Variants in DERA observed in about 807,000 individuals in gnomAD.
DERA encodes 2-deoxy-D-ribose 5-phosphate aldolase.
In DERA, 15 loss-of-function variants were observed where a neutral mutation model predicts 41.1. The observed-to-expected ratio is 0.37, with a 90% CI of 0.24 to 0.56. DERA has a LOEUF of 0.56. Ranked by LOEUF, DERA falls within the 20% of genes least tolerant of loss-of-function variation. The probability of loss-of-function intolerance (pLI) is 0.81; values close to 1 mark genes in which losing one functional copy is unlikely to be tolerated. For synonymous variants in DERA, 139 were observed against 137.4 expected, an observed-to-expected ratio of 1.01 and a Z score of -0.08; for missense variants, 396 against 403.4, an observed-to-expected ratio of 0.98 and a Z score of 0.16.
intron 1 of DERA, among the ~76,000 whole-genome samples, chr12:15,933,910 G>A (rs866684905): frequency 6.6e-6 from 1 of 152,094 alleles, no homozygotes; most frequent in African/African-American, 2.4e-5. Flanking sequence ...CTGCTGCTCA[G>A]ATCAATTAAA....
At position 15,954,140 on chromosome 12, in the gene DERA, C is replaced by G. The variant is rs1052573941; in HGVS notation, c.32-2796C>G. Among the ~76,000 whole-genome samples the G allele has an allele frequency of 6.6e-6, 1 of 152,140 alleles. No homozygotes were observed. The highest frequency in any genetic ancestry group is 2.4e-5 in the African/African-American group (1 of 41,434). On this transcript the variant is annotated intron_variant, in intron 1 of 8. Coordinates refer to ENST00000428559, the MANE Select transcript of DERA (RefSeq NM_015954.4). The surrounding 1 kb of genome is among the most constrained non-coding windows in gnomAD (Gnocchi z 4.0). ...AATTGGTTTTTAAGGGGAAAGTTCC[C>G]AGGCATCCCATTCATACCTCAGTCC...
At chr12:15,932,403 A>T (rs190270738) in intron 1 of DERA, among the ~76,000 whole-genome samples, 1 of 152,276 alleles carries the variant, frequency 6.6e-6, no homozygotes, top group African/African-American at 2.4e-5. Flanking sequence ...GTCTCCCAGC[A>T]CTTTGGGAGG....
chr12:15,997,557 A>G (rs1948847001), intron 6 of DERA, among the ~76,000 whole-genome samples: 1 of 152,228 alleles, frequency 6.6e-6, no homozygotes, highest in African/African-American at 2.4e-5. Context: ...CTTATTCTGC[A>G]GTCATGACTT....
Position 15,998,406 on chromosome 12 carries a change from C to T in DERA, c.637+15970C>T, listed in dbSNP as rs1464194402. 1.1e-4 allele frequency among the ~76,000 whole-genome samples: 17 copies of T among 152,124 alleles called. No individual in the cohort carries two copies. Among genetic ancestry groups the T allele is most frequent in the Admixed American group, 1.1e-3 (17 of 15,280 alleles). ...GATCTTGGCTCACGGCAACCTCCGC[C>T]TTCCGGGTTCAAGCAGTTCTCCCGC... On this transcript the variant is annotated intron_variant, in intron 6 of 8. Coordinates refer to ENST00000428559, the MANE Select transcript of DERA (RefSeq NM_015954.4). This position sits in a 1 kb window ranked among gnomAD's most constrained non-coding sequence, Gnocchi z 4.8.
Position 15,936,912 on chromosome 12 carries a change from T to TCCC in DERA, c.32-20024_32-20023insCCC, listed in dbSNP as rs1565588685. On this transcript the variant is annotated intron_variant, in intron 1 of 8. Transcript: ENST00000428559. This position sits in a 1 kb window ranked among gnomAD's most constrained non-coding sequence, Gnocchi z 4.6. ...TGTCCTGTCCTGTCCTGTCCTGTCC[T>TCCC]GTCCTGTCCTGTCCTGTCCTGTCTT... Among the ~76,000 whole-genome samples, 123 of 140,912 alleles carry TCCC rather than the reference T, an allele frequency of 8.7e-4. No individual in the cohort carries two copies. Among genetic ancestry groups the TCCC allele is most frequent in the African/African-American group, 3.2e-3 (113 of 35,612 alleles). 92.4% of individuals were successfully genotyped at this position (140,912 alleles called of 152,430 possible).
intron 1 of DERA, among the ~76,000 whole-genome samples, chr12:15,916,848 G>A (rs1186387103): frequency 6.6e-6 from 1 of 152,190 alleles, no homozygotes; most frequent in Non-Finnish European, 1.5e-5. Context: ...CTGGGCTCAA[G>A]CAGTTCTCCC....
rs1948856294 is a variant in DERA at position 15,998,794 on chromosome 12, A to C, written c.637+16358A>C. Among the ~76,000 whole-genome samples the C allele has an allele frequency of 6.6e-6, 1 of 152,162 alleles. No individual in the cohort carries two copies. The highest frequency in any genetic ancestry group is 2.4e-5 in the African/African-American group (1 of 41,428). On this transcript the variant is annotated intron_variant, in intron 6 of 8. Coordinates refer to ENST00000428559, the MANE Select transcript of DERA (RefSeq NM_015954.4). The surrounding 1 kb of genome is among the most constrained non-coding windows in gnomAD (Gnocchi z 4.8). The stretch of plus-strand genomic sequence containing the variant: ...ACCGCTGAACTTACATCCCCAAAGA[A>C]ACAAGATTGTACATTGTTGTTTGGT...
rs1387933039 is a variant in DERA, at chr12:15,988,072, A to C, written c.637+5636A>C. Among the ~76,000 whole-genome samples, 1 of 152,158 alleles carries C rather than the reference A, an allele frequency of 6.6e-6. No individual in the cohort carries two copies. The highest frequency in any genetic ancestry group is 2.4e-5 in the African/African-American group (1 of 41,442). On this transcript the variant is annotated intron_variant, in intron 6 of 8. Coordinates refer to ENST00000428559, the MANE Select transcript of DERA (RefSeq NM_015954.4). The surrounding 1 kb of genome is among the most constrained non-coding windows in gnomAD (Gnocchi z 6.0). Reference sequence around the variant, plus strand: ...GCACCAGCATCTGGACAAGGGGAACACATGGTGCCCAAAAACTTGGAGACA... The same window carrying C: ...GCACCAGCATCTGGACAAGGGGAACCCATGGTGCCCAAAAACTTGGAGACA...
At chr12:15,975,117 A>G (rs757503007) in intron 5 of DERA, among the ~76,000 whole-genome samples, 5 of 152,226 alleles carry the variant, frequency 3.3e-5, no homozygotes, top group Non-Finnish European at 5.9e-5. Flanking sequence ...CAGTAGAGAA[A>G]GAGTAATTCA....
rs144029456 is a variant in DERA, at chr12:15,932,507, G to A, written c.31+21093G>A. On this transcript the variant is annotated intron_variant, in intron 1 of 8. Coordinates refer to ENST00000428559, the MANE Select transcript of DERA (RefSeq NM_015954.4). ...TCCATAAAAAATACAAAAATTAGCT[G>A]GGTGTGGTGGTGCATGCCTGTAGTC... is the stretch of plus-strand genomic sequence containing the variant. Among the ~76,000 whole-genome samples the A allele has an allele frequency of 1.0e-3, 153 of 152,098 alleles. 2 individuals are homozygous for A. In the East Asian group the frequency reaches 0.027, roughly 27 times the overall value.
rs1362286293 is a variant in DERA at position 15,984,951 on chromosome 12, T to C, written c.637+2515T>C. ...TTTCTGACTAAATTCTGTATTCTAC[T>C]TCTGTGGTGGTATAAAAAATTTTTT... On this transcript the variant is annotated intron_variant, in intron 6 of 8. Coordinates refer to ENST00000428559, the MANE Select transcript of DERA (RefSeq NM_015954.4). This position sits in a 1 kb window ranked among gnomAD's most constrained non-coding sequence, Gnocchi z 4.5. Among the ~76,000 whole-genome samples, 4 of 152,244 alleles carry C rather than the reference T, an allele frequency of 2.6e-5. No individual in the cohort carries two copies. The highest frequency in any genetic ancestry group is 9.6e-5 in the African/African-American group (4 of 41,460).
intron 6 of DERA, among the ~76,000 whole-genome samples, chr12:16,023,145 T>C (rs1949027364): frequency 6.6e-6 from 1 of 152,178 alleles, no homozygotes; most frequent in Admixed American, 6.5e-5. Context: ...ACTAAGGCTA[T>C]AGAATACTCC....
At chr12:15,958,631 A>G (rs1189707829) in intron 3 of DERA, among the ~76,000 whole-genome samples, 2 of 151,632 alleles carry the variant, frequency 1.3e-5, no homozygotes, top group Admixed American at 1.3e-4. Flanking sequence ...GTTTAGTGAC[A>G]CTGAAATACT....
Position 15,996,604 on chromosome 12 carries a change from T to C in DERA, c.637+14168T>C, listed in dbSNP as rs974207571. Among the ~76,000 whole-genome samples the C allele has an allele frequency of 6.6e-6, 1 of 152,180 alleles. No individual in the cohort carries two copies. The highest frequency in any genetic ancestry group is 6.5e-5 in the Admixed American group (1 of 15,282). On this transcript the variant is annotated intron_variant, in intron 6 of 8. Coordinates refer to ENST00000428559, the MANE Select transcript of DERA (RefSeq NM_015954.4). The surrounding 1 kb of genome is among the most constrained non-coding windows in gnomAD (Gnocchi z 4.7). The stretch of plus-strand genomic sequence containing the variant: ...CTCAGTATGACCTTATCTTAACTAA[T>C]GACATCTTCAGTGGCCCTCTTTCCA...
At chr12:15,991,789 A>G (rs988922216) in intron 6 of DERA, among the ~76,000 whole-genome samples, 2 of 152,130 alleles carry the variant, frequency 1.3e-5, no homozygotes, top group African/African-American at 2.4e-5. Flanking sequence ...AATATTAGTC[A>G]GAAAGATCTT....
At chr12:16,022,199 G>A (rs953548400) in intron 6 of DERA, among the ~76,000 whole-genome samples, 18 of 152,190 alleles carry the variant, frequency 1.2e-4, no homozygotes, top group African/African-American at 3.6e-4. Flanking sequence ...TGATGAATGA[G>A]TTCTCACAAG....
Position 15,976,101 on chromosome 12 carries a change from C to A in DERA, c.509-6207C>A, listed in dbSNP as rs1948695065. 6.6e-6 allele frequency among the ~76,000 whole-genome samples: 1 copy of A among 152,184 alleles called. No homozygotes were observed. Among genetic ancestry groups the A allele is most frequent in the Non-Finnish European group, 1.5e-5 (1 of 68,034 alleles). ...GTCTATAAATCTGTCTTAGAACTTA[C>A]AACTTCACACTATAACCTCTATTAC... On this transcript the variant is annotated intron_variant, in intron 5 of 8. Coordinates refer to ENST00000428559, the MANE Select transcript of DERA (RefSeq NM_015954.4). The surrounding 1 kb of genome is among the most constrained non-coding windows in gnomAD (Gnocchi z 4.1).
Position 15,999,815 on chromosome 12 carries a change from G to A in DERA, c.637+17379G>A, listed in dbSNP as rs1402175861. 6.6e-6 allele frequency among the ~76,000 whole-genome samples: 1 copy of A among 152,194 alleles called. No individual in the cohort carries two copies. Among genetic ancestry groups the A allele is most frequent in the Non-Finnish European group, 1.5e-5 (1 of 68,034 alleles). ...CGTTAGGATTTATTGGAAGTTTGCT[G>A]TATGTCAGACACTGGATGACAAAGA... On this transcript the variant is annotated intron_variant, in intron 6 of 8. Coordinates refer to ENST00000428559, the MANE Select transcript of DERA (RefSeq NM_015954.4). The surrounding 1 kb of genome is among the most constrained non-coding windows in gnomAD (Gnocchi z 5.3).
At chr12:16,031,097 G>A (rs544756093) in intron 6 of DERA, among the ~76,000 whole-genome samples, 1 of 152,302 alleles carries the variant, frequency 6.6e-6, no homozygotes, top group Admixed American at 6.5e-5. Flanking sequence ...TGAAGCAAGT[G>A]GGAATTTCTT....
Sources: allele counts gnomAD v4.1 joint callset (sites outside exome capture counted in the v4.1 genomes callset), GRCh38; gene constraint gnomAD v4.1.1; non-coding constraint Gnocchi (gnomAD v3.1); transcripts MANE v1.5; gene names NCBI Gene and HGNC (gene_info 2026-07-23, HGNC 2026-07-21).